CA5A: variants seen among roughly 807,000 people sequenced by gnomAD.
The protein encoded by CA5A is carbonic anhydrase 5A, mitochondrial.
In CA5A, 28 loss-of-function variants were observed where a neutral mutation model predicts 37.1. The ratio of observed to expected loss-of-function variants is 0.75; its 90% CI spans 0.56 to 1.03. The LOEUF is 1.03. Among genes scored for constraint, CA5A ranks in the 50% least tolerant of loss-of-function variants. CA5A has a pLI of 0.00. For missense variants in CA5A, 444 were observed against 399.9 expected (o/e 1.11, Z -0.94); for synonymous variants, 171 against 158.4 (o/e 1.08, Z -0.60).
rs1457522323 is a variant in CA5A at position 87,911,582 on chromosome 16, A to G, written c.341-6678T>C. Among the ~76,000 whole-genome samples, 1 of 151,610 alleles carries G rather than the reference A, an allele frequency of 6.6e-6. No individual in the cohort carries two copies. The highest frequency in any genetic ancestry group is 2.4e-5 in the African/African-American group (1 of 41,340). On this transcript the variant is annotated intron_variant, in intron 2 of 6. Coordinates refer to ENST00000649794, the MANE Select transcript of CA5A (RefSeq NM_001739.2). The surrounding 1 kb of genome is among the most constrained non-coding windows in gnomAD (Gnocchi z 4.6). ...TGCTTCCGGTGCCACTCTGGGAGGT[A>G]GTGCACGTTCCCAAGCTGTAAAGGG...
At chr16:87,908,989 A>ATTTTTTTTTTTTT (rs60201296) in intron 2 of CA5A, among the ~76,000 whole-genome samples, 1 of 139,360 alleles carries the variant, frequency 7.2e-6, no homozygotes, top group African/African-American at 2.7e-5. Context: ...ACACCCGGCT[A>ATTTTTTTTTTTTT]TTTTTTTTTT....
At chr16:87,896,513 T>C (rs1267869383) in intron 5 of CA5A, among the ~76,000 whole-genome samples, 1 of 152,208 alleles carries the variant, frequency 6.6e-6, no homozygotes, top group African/African-American at 2.4e-5. Flanking sequence ...GGGACACCGG[T>C]GAGCACACCA....
chr16:87,906,328 C>T lies in CA5A; in HGVS notation c.341-1424G>A, dbSNP rs139013813. On this transcript the variant is annotated intron_variant, in intron 2 of 6. Coordinates refer to ENST00000649794, the MANE Select transcript of CA5A (RefSeq NM_001739.2). ...ACACTGCTGACTCCTGGTGGTTTCC[C>T]GACACCAGAAGTACTTGGGCTGGGC... is the stretch of plus-strand genomic sequence containing the variant. 1.4e-3 allele frequency among the ~76,000 whole-genome samples: 209 copies of T among 152,188 alleles called. 1 individual carries two copies. The highest frequency in any genetic ancestry group is 4.7e-3 in the African/African-American group (194 of 41,534).
At chr16:87,894,479 G>C (rs60557731) in intron 5 of CA5A, among the ~76,000 whole-genome samples, 4,436 of 152,086 alleles carry the variant, frequency 0.029, 223 homozygotes, top group African/African-American at 0.1. Flanking sequence ...AGAGGTGGCT[G>C]AGCTACCAGA....
chr16:87,904,668 C>T (rs906806675), intron 3 of CA5A, 118 bp downstream of exon 3: 7 of 664,230 alleles, frequency 1.1e-5, no homozygotes, highest in Non-Finnish European at 1.9e-5. Context: ...CACTGACAGT[C>T]CCAGGCCCCA....
intron 4 of CA5A, 139 bp downstream of exon 4, chr16:87,902,286 G>A (rs1182463936): frequency 1.1e-5 from 7 of 636,948 alleles, no homozygotes; most frequent in Non-Finnish European, 2.0e-5. Context: ...CCCAGGAGGT[G>A]CAGGTTGCAA....
intron 2 of CA5A, among the ~76,000 whole-genome samples, chr16:87,921,875 A>ATTT (rs145678279): frequency 2.1e-4 from 31 of 146,074 alleles, no homozygotes; most frequent in Admixed American, 4.6e-4. Context: ...TATTATTATT[A>ATTT]TTATTTTTGA....
Position 87,915,735 on chromosome 16 carries a change from C to T in CA5A, c.341-10831G>A, listed in dbSNP as rs1435933063. Among the ~76,000 whole-genome samples, 3 of 149,594 alleles carry T rather than the reference C, an allele frequency of 2.0e-5. No individual in the cohort carries two copies. In the Admixed American group the frequency reaches 2.0e-4, roughly 10 times the overall value. On this transcript the variant is annotated intron_variant, in intron 2 of 6. Transcript: ENST00000649794. The stretch of plus-strand genomic sequence containing the variant: ...AAAAAGGAAAAACTATTGTTTATGC[C>T]ATCACCACCCAGTAAACATAGTTAC...
chr16:87,888,408 G>A, intron 6 of CA5A, 136 bp from the exon 7 acceptor site: 2 of 764,578 alleles, frequency 2.6e-6, no homozygotes, highest in South Asian at 1.9e-5. Context: ...TATGGTGGAA[G>A]TGATGGTGTG....
intron 1 of CA5A, among the ~76,000 whole-genome samples, chr16:87,933,200 C>T (rs553537102): frequency 8.5e-5 from 13 of 152,324 alleles, no homozygotes; most frequent in East Asian, 7.7e-4. Flanking sequence ...TTTAATAAGC[C>T]GTTCTCCCAG....
downstream of CA5A, chr16:87,886,307 G>A (rs1187264182): frequency 6.6e-6 from 1 of 151,960 alleles, no homozygotes; most frequent in Non-Finnish European, 1.5e-5. Flanking sequence ...GCACCACCAA[G>A]CTCGGCTAAT....
downstream of CA5A, chr16:87,886,580 G>A: frequency 6.6e-6 from 1 of 152,128 alleles, no homozygotes; most frequent in East Asian, 1.9e-4. Context: ...GGCTCGGTGG[G>A]GTGGCTAATG....
At chr16:87,904,666 G>T (rs1434703985) in intron 3 of CA5A, 120 bp downstream of exon 3, 3 of 662,568 alleles carry the variant, frequency 4.5e-6, no homozygotes, top group Non-Finnish European at 8.2e-6. Context: ...AGCACTGACA[G>T]TCCCAGGCCC....
intron 2 of CA5A, chr16:87,924,084 C>A: frequency 1.0e-6 from 1 of 985,424 alleles, no homozygotes; most frequent in Non-Finnish European, 1.2e-6. Flanking sequence ...ATGCAAAAAT[C>A]CCTGCTCCCT....
intron 2 of CA5A, among the ~76,000 whole-genome samples, chr16:87,918,609 C>T (rs535613099): frequency 1.1e-3 from 163 of 152,362 alleles, no homozygotes; most frequent in African/African-American, 3.2e-3. Context: ...GGCCCTGCCA[C>T]GGCATGGCCC....
intron 2 of CA5A, among the ~76,000 whole-genome samples, chr16:87,925,063 C>T (rs536393721): frequency 3.9e-5 from 6 of 152,306 alleles, no homozygotes; most frequent in African/African-American, 1.4e-4. Context: ...AAAGACCTGC[C>T]CCAGCGGAGT....
rs540064477 is a variant in CA5A, at chr16:87,911,329, G to A, written c.341-6425C>T. On this transcript the variant is annotated intron_variant, in intron 2 of 6. Transcript: ENST00000649794. This position sits in a 1 kb window ranked among gnomAD's most constrained non-coding sequence, Gnocchi z 4.6. ...CTCTCCAAACATAATAACAGATGACGTTTGGGGCCGGCTCCAGGCTGTGAC... is the reference window on the plus strand; with the variant it reads ...CTCTCCAAACATAATAACAGATGACATTTGGGGCCGGCTCCAGGCTGTGAC... Among the ~76,000 whole-genome samples, 10 of 152,228 alleles carry A rather than the reference G, an allele frequency of 6.6e-5. No homozygotes were observed. In the South Asian group the frequency reaches 1.2e-3, roughly 19 times the overall value.
Position 87,908,960 on chromosome 16 carries a change from A to G in CA5A, c.341-4056T>C, listed in dbSNP as rs2056007246. Reference sequence around the variant, plus strand: ...TGCCTCAGCCTCCCAAGTAGCTGGGACTACAGGTGCGCACCACCACACCCG... The same window carrying G: ...TGCCTCAGCCTCCCAAGTAGCTGGGGCTACAGGTGCGCACCACCACACCCG... On this transcript the variant is annotated intron_variant, in intron 2 of 6. Coordinates refer to ENST00000649794, the MANE Select transcript of CA5A (RefSeq NM_001739.2). 2.7e-5 allele frequency among the ~76,000 whole-genome samples: 4 copies of G among 150,440 alleles called. No homozygotes were observed. The South Asian group carries it at 8.4e-4, about 31-fold the overall frequency.
chr16:87,932,745 CGCAGTCTGGAA>C (rs900227296), intron 1 of CA5A, among the ~76,000 whole-genome samples: 18 of 152,030 alleles, frequency 1.2e-4, no homozygotes, highest in Admixed American at 9.8e-4. Flanking sequence ...TTCACACGGG[CGCAGTCTGGAA>C]GGAGACCCCA....
Sources: allele counts gnomAD v4.1 joint callset (sites outside exome capture counted in the v4.1 genomes callset), GRCh38; gene constraint gnomAD v4.1.1; non-coding constraint Gnocchi (gnomAD v3.1); transcripts MANE v1.5; gene names NCBI Gene and HGNC (gene_info 2026-07-23, HGNC 2026-07-21).